Variants in TGFBR3 observed in about 807,000 individuals in gnomAD.
TGFBR3 encodes transforming growth factor beta receptor type 3.
A neutral mutation model predicts 87.9 loss-of-function variants in TGFBR3; 46 were observed. The observed-to-expected ratio is 0.52, with a 90% confidence interval of 0.41 to 0.67. The LOEUF (loss-of-function observed/expected upper bound fraction) is 0.67, where lower values mean the gene tolerates loss of function less well. TGFBR3 is among the 30% of genes least tolerant of loss of function. The pLI is 0.00. For synonymous variants in TGFBR3, 381 were observed against 391.6 expected, an observed-to-expected ratio of 0.97 and a Z score of 0.32; for missense variants, 866 against 1,041.9, an observed-to-expected ratio of 0.83 and a Z score of 2.32.
At chr1:91,858,700 T>G (rs906357322) in intron 2 of TGFBR3, among the ~76,000 whole-genome samples, 4 of 150,894 alleles carry the variant, frequency 2.7e-5, no homozygotes, top group African/African-American at 9.7e-5. Context: ...ACCAACAAAC[T>G]TCTACACCAA....
intron 2 of TGFBR3, among the ~76,000 whole-genome samples, chr1:91,818,136 C>A (rs892621678): frequency 5.3e-5 from 8 of 152,054 alleles, no homozygotes; most frequent in Admixed American, 3.9e-4. Flanking sequence ...CACAGCCAAG[C>A]AAAGAGCAGT....
At chr1:91,892,888 T>C (rs1421069009) in intron 2 of TGFBR3, among the ~76,000 whole-genome samples, 1 of 152,212 alleles carries the variant, frequency 6.6e-6, no homozygotes, top group Non-Finnish European at 1.5e-5. Flanking sequence ...TCACAATACT[T>C]GCAAATATTA....
At chr1:91,857,648 G>A (rs981970971) in intron 2 of TGFBR3, among the ~76,000 whole-genome samples, 1 of 152,184 alleles carries the variant, frequency 6.6e-6, no homozygotes, top group Non-Finnish European at 1.5e-5. Context: ...CAAAAGAAGG[G>A]ATGAATATGG....
chr1:91,772,753 G>A (rs1319512429), intron 3 of TGFBR3, among the ~76,000 whole-genome samples: 1 of 152,148 alleles, frequency 6.6e-6, no homozygotes, highest in Non-Finnish European at 1.5e-5. Context: ...ATTGTAGAAT[G>A]GTGTACAATG....
chr1:91,849,309 A>G (rs538361432), intron 2 of TGFBR3, among the ~76,000 whole-genome samples: 13 of 152,226 alleles, frequency 8.5e-5, no homozygotes, highest in African/African-American at 3.1e-4. Context: ...GCCTTGGGCT[A>G]TACACACCCG....
At chr1:91,840,319 C>T (rs994105044) in intron 2 of TGFBR3, among the ~76,000 whole-genome samples, 1 of 100,946 alleles carries the variant, frequency 9.9e-6, no homozygotes, top group African/African-American at 3.8e-5. Flanking sequence ...AAGACTCTGT[C>T]AAAAAAAAAA....
intron 2 of TGFBR3, among the ~76,000 whole-genome samples, chr1:91,860,740 T>C (rs1906586): frequency 0.13 from 19,704 of 151,940 alleles, 1,628 homozygotes; most frequent in East Asian, 0.4. Context: ...AAGACCAGCA[T>C]GGCCAAAATG....
intron 2 of TGFBR3, among the ~76,000 whole-genome samples, chr1:91,830,945 A>G (rs969681400): frequency 6.6e-6 from 1 of 152,148 alleles, no homozygotes; most frequent in African/African-American, 2.4e-5. Context: ...CATAGCAGGA[A>G]GCACAACACG....
intron 3 of TGFBR3, among the ~76,000 whole-genome samples, chr1:91,793,482 T>C (rs1175679425): frequency 6.6e-6 from 1 of 152,134 alleles, no homozygotes; most frequent in Non-Finnish European, 1.5e-5. Context: ...TAACGGCACT[T>C]ATTTCATTTT....
intron 1 of TGFBR3, among the ~76,000 whole-genome samples, chr1:91,873,183 C>G (rs928711529): frequency 4.6e-5 from 7 of 151,664 alleles, no homozygotes; most frequent in Non-Finnish European, 7.4e-5. Flanking sequence ...GTTATCCAGG[C>G]TAATCTTGAA....
intron 2 of TGFBR3, among the ~76,000 whole-genome samples, chr1:91,830,292 G>A (rs546696625): frequency 5.3e-5 from 8 of 152,254 alleles, no homozygotes; most frequent in East Asian, 1.9e-4. Context: ...ACAGGCAATC[G>A]GGACTTGGTG....
intron 9 of TGFBR3, among the ~76,000 whole-genome samples, 196 bp downstream of exon 9, chr1:91,719,697 C>T (rs372137639): frequency 8.6e-5 from 13 of 150,800 alleles, no homozygotes; most frequent in East Asian, 6.2e-4. Context: ...CTGGAACCCC[C>T]ACCCCCTGTC....
At chr1:91,776,349 G>T (rs913469419) in intron 3 of TGFBR3, among the ~76,000 whole-genome samples, 3 of 152,214 alleles carry the variant, frequency 2.0e-5, no homozygotes, top group African/African-American at 7.2e-5. Context: ...AATAAATAAT[G>T]ATTTCATTAT....
intron 3 of TGFBR3, among the ~76,000 whole-genome samples, chr1:91,792,460 C>A (rs1675230566): frequency 6.6e-6 from 1 of 152,156 alleles, no homozygotes; most frequent in Non-Finnish European, 1.5e-5. Context: ...ATTTAAATGT[C>A]CATATCTTTT....
At chr1:91,815,526 A>C (rs1676191521) in intron 2 of TGFBR3, among the ~76,000 whole-genome samples, 2 of 152,148 alleles carry the variant, frequency 1.3e-5, no homozygotes, top group African/African-American at 2.4e-5. Context: ...CGTTACAAAA[A>C]AGAAGCCCAC....
At chr1:91,692,388 A>G (rs1190893681) in intron 16 of TGFBR3, among the ~76,000 whole-genome samples, 1 of 151,860 alleles carries the variant, frequency 6.6e-6, no homozygotes, top group East Asian at 1.9e-4. Flanking sequence ...TAGGGGTGTG[A>G]TTTTTTTTTC....
rs368181429 is a variant in TGFBR3, at chr1:91,682,425, T to A, written c.*1314A>T. 2,841 of 418,708 alleles carry A rather than the reference T, an allele frequency of 6.8e-3. 6 individuals carry two copies. The highest frequency in any genetic ancestry group is 0.016 in the Middle Eastern group (20 of 1,248). The allele number at this position is 418,708 out of a possible 1,614,324, so 25.9% of individuals were successfully genotyped here. On this transcript the variant is annotated 3_prime_UTR_variant, in exon 17 of 17. Transcript: ENST00000212355. ...CATTCTTTTTTTTTTTTTTTTTTTTTAACAAGGAGGTATCACTGAGCTTAT... is the reference window on the plus strand; with the variant it reads ...CATTCTTTTTTTTTTTTTTTTTTTTAAACAAGGAGGTATCACTGAGCTTAT...
At chr1:91,756,901 TAATCTTA>T (rs749015966) in intron 4 of TGFBR3, among the ~76,000 whole-genome samples, 18 of 152,216 alleles carry the variant, frequency 1.2e-4, no homozygotes, top group Non-Finnish European at 2.6e-4. Context: ...TTTTAGCCCT[TAATCTTA>T]AAGAGTATTA....
At chr1:91,759,956 C>G (rs1370708366) in intron 3 of TGFBR3, among the ~76,000 whole-genome samples, 1 of 152,164 alleles carries the variant, frequency 6.6e-6, no homozygotes, top group African/African-American at 2.4e-5. Flanking sequence ...ATACTTCTAC[C>G]TTTTTTTGTA....
Sources: allele counts gnomAD v4.1 joint callset (sites outside exome capture counted in the v4.1 genomes callset), GRCh38; gene constraint gnomAD v4.1.1; transcripts MANE v1.5; gene names NCBI Gene and HGNC (gene_info 2026-07-23, HGNC 2026-07-21).